Variants in TMEM63A observed in about 807,000 individuals in gnomAD.
TMEM63A encodes transmembrane protein 63A.
Under a neutral mutation model 100.6 loss-of-function variants are expected in TMEM63A, and 76 were observed. The observed-to-expected ratio is 0.76, with a 90% CI of 0.63 to 0.91. TMEM63A has a LOEUF of 0.91. Ranked by LOEUF, TMEM63A falls within the 40% of genes least tolerant of loss-of-function variation. The pLI is 0.00. For synonymous variants in TMEM63A, 401 were observed against 401.1 expected (o/e 1.00, Z 0.00); for missense variants, 876 against 1,008.8 (o/e 0.87, Z 1.78).
At chr1:225,852,961 C>T (rs372308076) in intron 19 of TMEM63A, among the ~76,000 whole-genome samples, 192 bp from the exon 20 acceptor site, 1 of 152,192 alleles carries the variant, frequency 6.6e-6, no homozygotes, top group Non-Finnish European at 1.5e-5. Context: ...CCAGCCCTCC[C>T]GAGGCATGGT....
Position 225,865,888 on chromosome 1 carries a change from C to G in TMEM63A, c.746+9G>C, listed in dbSNP as rs199684462. On this transcript the variant is annotated intron_variant, in intron 10 of 24. Transcript: ENST00000366835. This position sits in a 1 kb window ranked among gnomAD's most constrained non-coding sequence, Gnocchi z 4.6. ...GGGGCTCAGCTCCCCTCCCACCCCA[C>G]CTGCTTACCGGAAGTGGCTCTCCAC... is the stretch of plus-strand genomic sequence containing the variant. 127 of 1,613,666 alleles carry G rather than the reference C, an allele frequency of 7.9e-5. No individual in the cohort carries two copies. In the East Asian group the frequency reaches 2.5e-3, roughly 32 times the overall value.
chr1:225,860,812 C>A (rs755524860), intron 14 of TMEM63A, 48 bp downstream of exon 14: 2 of 1,550,186 alleles, frequency 1.3e-6, no homozygotes, highest in Admixed American at 1.9e-5. Context: ...GCAGCTCCCA[C>A]CAGGAACCCA....
At chr1:225,852,550 G>T in intron 20 of TMEM63A, 114 bp downstream of exon 20, 1 of 901,838 alleles carries the variant, frequency 1.1e-6, no homozygotes, top group Non-Finnish European at 1.8e-6. Context: ...TGGCTCTTGT[G>T]GCTGTGGTTT....
intron 10 of TMEM63A, 191 bp from the exon 11 acceptor site, chr1:225,863,042 G>C (rs1670023555): frequency 1.6e-6 from 1 of 611,616 alleles, no homozygotes; most frequent in African/African-American, 1.9e-5. Context: ...TTAATACAAA[G>C]AGGGCTTTTG....
chr1:225,852,216 G>C lies in TMEM63A; in HGVS notation c.1903+448C>G, dbSNP rs558947294. ...AAAAATGAATGAGGCCGGGTGCTGT[G>C]GCTCATGCCTATAATCCCAGCACTT... On this transcript the variant is annotated intron_variant, in intron 20 of 24. Transcript: ENST00000366835. 2.9e-3 allele frequency among the ~76,000 whole-genome samples: 438 copies of C among 152,376 alleles called. 1 individual carries two copies. Among genetic ancestry groups the C allele is most frequent in the Non-Finnish European group, 4.4e-3 (300 of 68,042 alleles).
Position 225,848,474 on chromosome 1 carries a change from C to A in TMEM63A, c.2250+18G>T. 6.2e-7 allele frequency: 1 copy of A among 1,613,754 alleles called. No individual in the cohort carries two copies. The highest frequency in any genetic ancestry group is 8.5e-7 in the Non-Finnish European group (1 of 1,179,916). ...AAAAAAAGGGCGACAAGCTCAGAGG[C>A]TGAGGGGCACAGCTTACTGTGAACG... On this transcript the variant is annotated intron_variant, in intron 23 of 24. Transcript: ENST00000366835.
chr1:225,881,277 T>C (rs1671075200), intron 1 of TMEM63A, among the ~76,000 whole-genome samples: 1 of 152,224 alleles, frequency 6.6e-6, no homozygotes, highest in African/African-American at 2.4e-5. Context: ...CTCTGTGCCT[T>C]GGCTTCCTTC....
downstream of TMEM63A, chr1:225,845,132 TCTTTCACTTCCA>T: frequency 6.2e-7 from 1 of 1,613,688 alleles, no homozygotes; most frequent in Admixed American, 1.7e-5. Context: ...CTCCGTCGGC[TCTTTCACTTCCA>T]GGATGAAGGT....
intron 9 of TMEM63A, 120 bp downstream of exon 9, chr1:225,866,454 C>T: frequency 1.3e-6 from 1 of 799,428 alleles, no homozygotes; most frequent in Non-Finnish European, 2.0e-6. Flanking sequence ...AAGCGGGGCT[C>T]CTGAGGCCCT....
chr1:225,862,159 G>C lies in TMEM63A; in HGVS notation c.1085+59C>G. 1 of 1,601,988 alleles carries C rather than the reference G, an allele frequency of 6.2e-7. No homozygotes were observed. The highest frequency in any genetic ancestry group is 1.1e-5 in the South Asian group (1 of 89,986). On this transcript the variant is annotated intron_variant, in intron 13 of 24. Coordinates refer to ENST00000366835, the MANE Select transcript of TMEM63A (RefSeq NM_014698.3). This position sits in a 1 kb window ranked among gnomAD's most constrained non-coding sequence, Gnocchi z 5.1. ...CATCTCCACTCGAGAGGGACAGTGA[G>C]TTATCTGGAGGGGAACAGGGAGTCA...
Position 225,874,276 on chromosome 1 carries a change from A to G in TMEM63A, c.266+12T>C. On this transcript the variant is annotated intron_variant, in intron 4 of 24. Coordinates refer to ENST00000366835, the MANE Select transcript of TMEM63A (RefSeq NM_014698.3). ...CACACGCATGCTCACAGCCTAGGCG[A>G]TATGTCTTTACCTGTCTGCTTCTGA... The G allele has an allele frequency of 1.2e-6, 2 of 1,612,998 alleles. No homozygotes were observed. The highest frequency in any genetic ancestry group is 1.7e-6 in the Non-Finnish European group (2 of 1,179,676).
At chr1:225,866,989 T>C (rs1670247679) in intron 8 of TMEM63A, 123 bp downstream of exon 8, 1 of 983,982 alleles carries the variant, frequency 1.0e-6, no homozygotes, top group South Asian at 1.3e-5. Flanking sequence ...ACTCACTAGC[T>C]GCAAGGGGCC....
At position 225,852,721 on chromosome 1, in the gene TMEM63A, A is replaced by C; in HGVS notation, c.1846T>G (p.Cys616Gly). 3.1e-6 allele frequency: 5 copies of C among 1,613,974 alleles called. No homozygotes were observed. The South Asian group carries it at 5.5e-5, about 18-fold the overall frequency. The change falls in exon 20 of 25, where the codon TGT (cysteine) becomes GGT (glycine). Residue 616 changes from cysteine (C) to glycine (G), a missense_variant. Cys to Gly is a radical substitution (Grantham distance 159). Transcript: ENST00000366835. ...TAGGCCACGATGACAGTGAAGACAC[A>C]CAGCATCCATGCATACATGGCTCCA... Reference protein sequence around the residue: ...EFGAMYAWMLCVFTVIVAYSI... With the variant: ...EFGAMYAWMLGVFTVIVAYSI...
In TMEM63A at chr1:225,862,839, G is replaced by C. The variant is rs751670761; in HGVS notation, c.759C>G (p.Pro253=). The C allele has an allele frequency of 1.9e-6, 3 of 1,613,776 alleles. No individual in the cohort carries two copies. Among genetic ancestry groups the C allele is most frequent in the East Asian group, 4.5e-5 (2 of 44,842 alleles). The stretch of plus-strand genomic sequence containing the variant: ...GCTGCACATCAACCACCTCACACGT[G>C]GGATACGCGTCCCTGTGGCCAGGGA... ...TVESHFRDAY[P]TCEVVDVQLC... is the part of the protein sequence containing the mutation. The change falls in exon 11 of 25, where the codon CCC becomes CCG. Residue 253 remains proline (P), a synonymous_variant. Coordinates refer to ENST00000366835, the MANE Select transcript of TMEM63A (RefSeq NM_014698.3). The surrounding 1 kb of genome is among the most constrained non-coding windows in gnomAD (Gnocchi z 5.1).
In TMEM63A at chr1:225,862,391, T is replaced by C. The variant is rs764558451; in HGVS notation, c.952-40A>G. 1.2e-6 allele frequency: 2 copies of C among 1,613,978 alleles called. No homozygotes were observed. Among genetic ancestry groups the C allele is most frequent in the East Asian group, 4.5e-5 (2 of 44,866 alleles). On this transcript the variant is annotated intron_variant, in intron 12 of 24. Coordinates refer to ENST00000366835, the MANE Select transcript of TMEM63A (RefSeq NM_014698.3). The surrounding 1 kb of genome is among the most constrained non-coding windows in gnomAD (Gnocchi z 5.1). ...ATCCCATTGGGATGACGTGGCCCCATGCTGGTATCTGGGGCACCCCGATGC... is the reference window on the plus strand; with the variant it reads ...ATCCCATTGGGATGACGTGGCCCCACGCTGGTATCTGGGGCACCCCGATGC...
intron 18 of TMEM63A, among the ~76,000 whole-genome samples, chr1:225,854,747 A>G (rs2102605061): frequency 6.6e-6 from 1 of 152,306 alleles, no homozygotes; most frequent in South Asian, 2.1e-4. Context: ...ATTCAGGAGC[A>G]GTATCATGGC....
intron 6 of TMEM63A, 72 bp from the exon 7 acceptor site, chr1:225,868,102 T>G: frequency 8.9e-6 from 14 of 1,575,654 alleles, no homozygotes; most frequent in Non-Finnish European, 1.1e-5. Flanking sequence ...GTGTCTCATA[T>G]CATCCTCACC....
Position 225,859,274 on chromosome 1 carries a change from T to C in TMEM63A, c.1299A>G (p.Leu433=), listed in dbSNP as rs2292561. The C allele has an allele frequency of 0.052, 84,222 of 1,613,872 alleles. 2,992 individuals carry two copies. Among genetic ancestry groups the C allele is most frequent in the East Asian group, 0.15 (6,846 of 44,862 alleles). ...TGATGGAGGGTGTGGTCAGGAAAAA[T>C]AGCCCCAGGAAGAGGGTGAAGTTGA... ...LGINFTLFLG[L]FFLTTPSIIL... The change falls in exon 15 of 25, where the codon CTA becomes CTG. Residue 433 remains leucine, a synonymous_variant. Coordinates refer to ENST00000366835, the MANE Select transcript of TMEM63A (RefSeq NM_014698.3).
At chr1:225,847,784 C>T (rs1218047865) in intron 23 of TMEM63A, among the ~76,000 whole-genome samples, 1 of 152,186 alleles carries the variant, frequency 6.6e-6, no homozygotes, top group East Asian at 1.9e-4. Flanking sequence ...TTCTGAGGCC[C>T]TCCCTTGTTT....
Sources: allele counts gnomAD v4.1 joint callset (sites outside exome capture counted in the v4.1 genomes callset), GRCh38; gene constraint gnomAD v4.1.1; non-coding constraint Gnocchi (gnomAD v3.1); transcripts MANE v1.5; gene names NCBI Gene and HGNC (gene_info 2026-07-23, HGNC 2026-07-21).